The following PALM2AKAP2 variants were observed in gnomAD, a reference collection of about 807,000 sequenced individuals.
PALM2AKAP2 encodes PALM2 and AKAP2 fusion, also known as PALM2-AKAP2 fusion protein.
A neutral mutation model predicts 71.5 loss-of-function variants in PALM2AKAP2; 37 were observed. That is an observed-to-expected ratio of 0.52 (90% CI 0.40 to 0.68). PALM2AKAP2 has a LOEUF of 0.68. PALM2AKAP2 is among the 30% of genes least tolerant of loss of function. PALM2AKAP2 has a pLI of 0.00. For synonymous variants in PALM2AKAP2, 468 were observed against 478.8 expected, an observed-to-expected ratio of 0.98 and a Z score of 0.29; for missense variants, 1,224 against 1,191.8, an observed-to-expected ratio of 1.03 and a Z score of -0.40.
intron 3 of PALM2AKAP2, among the ~76,000 whole-genome samples, chr9:110,156,885 C>T (rs1173659456): frequency 3.3e-5 from 5 of 152,118 alleles, no homozygotes; most frequent in East Asian, 1.9e-4. Flanking sequence ...TTTTATTTCT[C>T]TAGAAAAGGA....
At chr9:110,017,048 T>G (rs1262645253) in intron 7 of PALM2AKAP2, among the ~76,000 whole-genome samples, 1 of 152,036 alleles carries the variant, frequency 6.6e-6, no homozygotes, top group Non-Finnish European at 1.5e-5. Context: ...CCTGGCTAAT[T>G]TTTTGTATTT....
intron 6 of PALM2AKAP2, among the ~76,000 whole-genome samples, chr9:109,996,280 C>A (rs1832573833): frequency 6.6e-6 from 1 of 152,140 alleles, no homozygotes; most frequent in Admixed American, 6.5e-5. Flanking sequence ...ATAACAGGAT[C>A]TTTTATTGGA....
At chr9:109,994,580 C>T (rs2132251055) in intron 6 of PALM2AKAP2, among the ~76,000 whole-genome samples, 1 of 152,276 alleles carries the variant, frequency 6.6e-6, no homozygotes, top group South Asian at 2.1e-4. Flanking sequence ...ACCCCCTCAC[C>T]CCACTCACAA....
chr9:109,695,007 A>G (rs1459183061), intron 1 of PALM2AKAP2, among the ~76,000 whole-genome samples: 6 of 152,132 alleles, frequency 3.9e-5, no homozygotes, highest in African/African-American at 1.2e-4. Context: ...TTGGATTCCT[A>G]CTTTACTCCT....
At chr9:109,863,659 C>G (rs1367344485) in intron 1 of PALM2AKAP2, among the ~76,000 whole-genome samples, 2 of 152,198 alleles carry the variant, frequency 1.3e-5, no homozygotes, top group East Asian at 3.8e-4. Context: ...CCTCAGCCAT[C>G]AAACAAGTAT....
In PALM2AKAP2 at chr9:109,786,607, A is replaced by C. The variant is rs531703759; in HGVS notation, c.45+6074A>C. Reference sequence around the variant, plus strand: ...TGAAGCTGCCCACTGGATAGGTGACACTTTGGGCCCATGCAGGGTCATTGC... The same window carrying C: ...TGAAGCTGCCCACTGGATAGGTGACCCTTTGGGCCCATGCAGGGTCATTGC... On this transcript the variant is annotated intron_variant, in intron 1 of 9. Coordinates refer to the PALM2AKAP2 transcript ENST00000302798. 2.0e-5 allele frequency among the ~76,000 whole-genome samples: 3 copies of C among 152,290 alleles called. No individual in the cohort carries two copies. The South Asian group carries it at 6.2e-4, about 32-fold the overall frequency.
intron 1 of PALM2AKAP2, among the ~76,000 whole-genome samples, chr9:109,849,006 G>C (rs187676414): frequency 2.0e-5 from 3 of 152,200 alleles, no homozygotes; most frequent in Admixed American, 6.5e-5. Context: ...AAGTTTGCCA[G>C]CTCCTGCACT....
intron 7 of PALM2AKAP2, among the ~76,000 whole-genome samples, chr9:110,024,586 C>T (rs909293534): frequency 6.6e-6 from 1 of 152,060 alleles, no homozygotes; most frequent in Non-Finnish European, 1.5e-5. Context: ...GAGTTGGAGA[C>T]CAGCCTGGAC....
intron 7 of PALM2AKAP2, among the ~76,000 whole-genome samples, chr9:110,041,722 G>A (rs1382466204): frequency 6.6e-6 from 1 of 152,184 alleles, no homozygotes; most frequent in Non-Finnish European, 1.5e-5. Flanking sequence ...TGAGAGCCAA[G>A]TGTTCTCTTA....
intron 6 of PALM2AKAP2, chr9:109,943,114 C>G: frequency 6.2e-7 from 1 of 1,614,250 alleles, no homozygotes; most frequent in Non-Finnish European, 8.5e-7. Context: ...CTTGGATCAG[C>G]CCGTCACCAT....
Position 110,135,164 on chromosome 9 carries a change from A to AAAAAAAAAAAAAAAAT in PALM2AKAP2, c.157-962_157-961insAAAAAAAAAAAAAATA. On this transcript the variant is annotated intron_variant, in intron 1 of 3. Transcript: ENST00000374525. Reference sequence around the variant, plus strand: ...AACTCTGTCTCTACAAAAAAAAAAAAATATATAAATATATATATATATATA... The same window carrying AAAAAAAAAAAAAAAAT: ...AACTCTGTCTCTACAAAAAAAAAAAAAAAAAAAAAAAAAAATATATATAAATATATATATATATATA... Among the ~76,000 whole-genome samples, 4 of 51,732 alleles carry AAAAAAAAAAAAAAAAT rather than the reference A, an allele frequency of 7.7e-5. 1 individual carries two copies. The highest frequency in any genetic ancestry group is 1.1e-4 in the Non-Finnish European group (3 of 26,632). 33.9% of individuals were successfully genotyped at this position (51,732 alleles called of 152,430 possible).
intron 6 of PALM2AKAP2, among the ~76,000 whole-genome samples, chr9:110,012,703 G>C (rs1832906680): frequency 6.6e-6 from 1 of 152,138 alleles, no homozygotes. Flanking sequence ...GTGTTTTCTT[G>C]ATGGAAGACT....
chr9:109,861,521 T>C (rs9299178), intron 1 of PALM2AKAP2, among the ~76,000 whole-genome samples: 26,219 of 152,112 alleles, frequency 0.17, 2,431 homozygotes, highest in South Asian at 0.23. Flanking sequence ...TTATAGAAAG[T>C]GAATGAAAGT....
intron 1 of PALM2AKAP2, among the ~76,000 whole-genome samples, chr9:109,862,503 A>G (rs1226201982): frequency 6.6e-6 from 1 of 152,070 alleles, no homozygotes; most frequent in African/African-American, 2.4e-5. Context: ...ATGTTTTTTC[A>G]CTTCTCTCCT....
chr9:109,974,675 A>G (rs1832138534), intron 6 of PALM2AKAP2, among the ~76,000 whole-genome samples: 1 of 152,200 alleles, frequency 6.6e-6, no homozygotes, highest in South Asian at 2.1e-4. Context: ...CCGCAATAGT[A>G]AGAAATACCA....
At chr9:109,747,751 C>A (rs1024586145) in intron 1 of PALM2AKAP2, among the ~76,000 whole-genome samples, 1 of 152,076 alleles carries the variant, frequency 6.6e-6, no homozygotes, top group Non-Finnish European at 1.5e-5. Context: ...CTCACTGCAA[C>A]CTCCACATCC....
chr9:110,026,059 C>A (rs1282897546), intron 7 of PALM2AKAP2, among the ~76,000 whole-genome samples: 1 of 151,924 alleles, frequency 6.6e-6, no homozygotes, highest in Non-Finnish European at 1.5e-5. Flanking sequence ...CTTTCTATTT[C>A]TTTTCTTTCT....
chr9:109,670,707 G>T (rs987412190), intron 1 of PALM2AKAP2, among the ~76,000 whole-genome samples: 7 of 152,010 alleles, frequency 4.6e-5, no homozygotes, highest in African/African-American at 1.4e-4. Context: ...TGTCTTCCAC[G>T]ATGGTTGAAC....
intron 1 of PALM2AKAP2, among the ~76,000 whole-genome samples, chr9:110,066,603 T>C (rs1834084436): frequency 1.3e-5 from 2 of 151,254 alleles, no homozygotes; most frequent in South Asian, 4.2e-4. Flanking sequence ...GAGGCTGAAG[T>C]GGGAAGATCC....
Sources: allele counts gnomAD v4.1 joint callset (sites outside exome capture counted in the v4.1 genomes callset), GRCh38; gene constraint gnomAD v4.1.1; transcripts MANE v1.5; gene names NCBI Gene and HGNC (gene_info 2026-07-23, HGNC 2026-07-21).